Variants in PDE4D observed in about 807,000 individuals in gnomAD.
PDE4D encodes phosphodiesterase 4D, also known as 3',5'-cyclic-AMP phosphodiesterase 4D.
PDE4D carries 24 observed loss-of-function variants against 87.4 expected under a neutral mutation model. That is an observed-to-expected ratio of 0.27 (90% CI 0.20 to 0.39). The LOEUF is 0.39. PDE4D is among the 10% of genes least tolerant of loss of function. PDE4D has a pLI of 1.00. For missense variants in PDE4D, 714 were observed against 1,041.0 expected (o/e 0.69, Z 4.32); for synonymous variants, 384 against 383.2 (o/e 1.00, Z -0.02).
chr5:59,781,988 C>T (rs1561653540), intron 1 of PDE4D, among the ~76,000 whole-genome samples: 1 of 151,896 alleles, frequency 6.6e-6, no homozygotes, highest in Admixed American at 6.6e-5. Flanking sequence ...ACCTCACAAA[C>T]AGAAATAACA....
At chr5:59,220,150 C>A (rs1267838074) in intron 1 of PDE4D, among the ~76,000 whole-genome samples, 1 of 151,830 alleles carries the variant, frequency 6.6e-6, no homozygotes, top group African/African-American at 2.4e-5. Context: ...ATTGAAATCT[C>A]AGGGGAGTAA....
chr5:59,450,146 G>A (rs986506482), intron 1 of PDE4D, among the ~76,000 whole-genome samples: 4 of 152,118 alleles, frequency 2.6e-5, no homozygotes, highest in African/African-American at 7.2e-5. Flanking sequence ...GTAAATGATC[G>A]CCTTGTGCCA....
intron 3 of PDE4D, among the ~76,000 whole-genome samples, chr5:59,965,608 C>T (rs1759949645): frequency 6.6e-6 from 1 of 152,124 alleles, no homozygotes; most frequent in Admixed American, 6.5e-5. Context: ...GGAACCAATG[C>T]ACGAGCATTA....
At chr5:59,150,702 G>A (rs1223811439) in intron 5 of PDE4D, among the ~76,000 whole-genome samples, 1 of 152,162 alleles carries the variant, frequency 6.6e-6, no homozygotes, top group Non-Finnish European at 1.5e-5. Context: ...GGGTTTACCA[G>A]CAGCCAATAA....
chr5:59,029,325 G>T (rs1422848175), intron 6 of PDE4D, among the ~76,000 whole-genome samples: 1 of 147,686 alleles, frequency 6.8e-6, no homozygotes, highest in African/African-American at 2.5e-5. Context: ...GCTGAGGCAG[G>T]AGAACGGCGT....
At chr5:60,483,726 T>C (rs1034668287) in intron 1 of PDE4D, among the ~76,000 whole-genome samples, 2 of 152,182 alleles carry the variant, frequency 1.3e-5, no homozygotes, top group African/African-American at 4.8e-5. Flanking sequence ...ACAAATGAAA[T>C]TGTTTCATTC....
intron 1 of PDE4D, among the ~76,000 whole-genome samples, chr5:60,428,634 T>C (rs1167648302): frequency 6.6e-6 from 1 of 152,224 alleles, no homozygotes; most frequent in Admixed American, 6.5e-5. Context: ...CTGAAAATCC[T>C]ACTAAATGCT....
intron 1 of PDE4D, among the ~76,000 whole-genome samples, chr5:60,473,702 TC>T (rs909865020): frequency 1.3e-5 from 2 of 151,908 alleles, no homozygotes; most frequent in African/African-American, 4.8e-5. Flanking sequence ...TGTCAATGGC[TC>T]CCCATGCCAA....
chr5:60,032,693 G>A (rs532782970), intron 2 of PDE4D: 61 of 152,152 alleles, frequency 4.0e-4, no homozygotes, highest in African/African-American at 1.4e-3. Flanking sequence ...AATTAAATGA[G>A]GTAACATGTG....
Position 58,970,256 on chromosome 5 carries a change from A to C in PDE4D, c.*4408T>G, listed in dbSNP as rs1742382387. 1 of 152,316 alleles carries C rather than the reference A, an allele frequency of 6.6e-6. No individual in the cohort carries two copies. Among genetic ancestry groups the C allele is most frequent in the Middle Eastern group, 3.4e-3 (1 of 294 alleles). 9.4% of individuals were successfully genotyped at this position (152,316 alleles called of 1,614,324 possible). A position where few individuals can be genotyped will look rare whatever the true frequency, so the allele number is the denominator to read the frequency against. On this transcript the variant is annotated 3_prime_UTR_variant, in exon 15 of 15. Coordinates refer to ENST00000340635, the MANE Select transcript of PDE4D (RefSeq NM_001104631.2). ...ATATCCAAAGAAATAAAAACAACTC[A>C]AATCAGTTAAGGATGTTTTTGTAAT...
chr5:59,583,181 G>C (rs145165775), intron 1 of PDE4D, among the ~76,000 whole-genome samples: 1 of 152,270 alleles, frequency 6.6e-6, no homozygotes, highest in African/African-American at 2.4e-5. Context: ...ATTATAAAAA[G>C]TTGTTATATA....
intron 1 of PDE4D, among the ~76,000 whole-genome samples, chr5:60,360,764 G>T (rs940291980): frequency 6.6e-6 from 1 of 152,126 alleles, no homozygotes; most frequent in African/African-American, 2.4e-5. Flanking sequence ...CACATGCATG[G>T]TTGGCATCTG....
chr5:60,252,907 T>C (rs1748634393), intron 1 of PDE4D, among the ~76,000 whole-genome samples: 1 of 151,906 alleles, frequency 6.6e-6, no homozygotes, highest in African/African-American at 2.4e-5. Flanking sequence ...TAGAGTGGAA[T>C]TTTGATTCCT....
intron 5 of PDE4D, among the ~76,000 whole-genome samples, chr5:59,113,944 A>G (rs1773118521): frequency 6.6e-6 from 1 of 152,226 alleles, no homozygotes; most frequent in Admixed American, 6.5e-5. Context: ...TGTTACTGCT[A>G]CTACCATACA....
intron 1 of PDE4D, among the ~76,000 whole-genome samples, chr5:59,456,968 G>T (rs1358354032): frequency 6.6e-6 from 1 of 152,178 alleles, no homozygotes; most frequent in Non-Finnish European, 1.5e-5. Context: ...TTCTCAAGAT[G>T]AAATCTACTA....
intron 5 of PDE4D, among the ~76,000 whole-genome samples, chr5:59,136,922 T>A (rs1777155552): frequency 6.6e-6 from 1 of 152,118 alleles, no homozygotes; most frequent in African/African-American, 2.4e-5. Context: ...AAAGGTAGGG[T>A]GACCAACTTG....
chr5:60,145,598 T>G (rs1780920417), intron 2 of PDE4D, among the ~76,000 whole-genome samples: 1 of 152,202 alleles, frequency 6.6e-6, no homozygotes, highest in African/African-American at 2.4e-5. Context: ...TTTGGAAACT[T>G]TTTTCATTTC....
intron 1 of PDE4D, among the ~76,000 whole-genome samples, chr5:60,240,929 T>C (rs1403071145): frequency 1.3e-5 from 2 of 152,084 alleles, no homozygotes; most frequent in Non-Finnish European, 2.9e-5. Context: ...TCCCAGACTG[T>C]GAAGATGACA....
chr5:59,398,060 A>C lies in PDE4D; in HGVS notation c.456-182092T>G, dbSNP rs1321250751. On this transcript the variant is annotated intron_variant, in intron 1 of 14. Coordinates refer to ENST00000340635, the MANE Select transcript of PDE4D (RefSeq NM_001104631.2). The stretch of plus-strand genomic sequence containing the variant: ...AAGTTGAATCTCTGAATAGACCAAT[A>C]ACAGGATCTGAAATTGTGGCAATAA... Among the ~76,000 whole-genome samples the C allele has an allele frequency of 7.8e-5, 11 of 140,916 alleles. 1 individual carries two copies. The highest frequency in any genetic ancestry group is 2.7e-4 in the African/African-American group (10 of 36,872). 92.4% of individuals were successfully genotyped at this position (140,916 alleles called of 152,430 possible). A position where few individuals can be genotyped will look rare whatever the true frequency, so the allele number is the denominator to read the frequency against.
Sources: gnomAD v4.1 joint callset for allele counts (sites outside exome capture counted in the v4.1 genomes callset) on GRCh38, gnomAD v4.1.1 for gene constraint, MANE v1.5 for transcripts, NCBI Gene and HGNC (gene_info 2026-07-23, HGNC 2026-07-21) for gene names.